The following UHRF2 variants were observed in gnomAD, a reference collection of about 807,000 sequenced individuals.
The protein encoded by UHRF2 is ubiquitin like with PHD and ring finger domains 2, also known as E3 ubiquitin-protein ligase UHRF2.
A neutral mutation model predicts 96.8 loss-of-function variants in UHRF2; 23 were observed. The observed-to-expected ratio is 0.24, with a 90% CI of 0.17 to 0.34. The LOEUF is 0.34. UHRF2 is among the 10% of genes least tolerant of loss of function. The probability of loss-of-function intolerance (pLI) is 1.00; values close to 1 mark genes in which losing one functional copy is unlikely to be tolerated. For missense variants in UHRF2, 685 were observed against 981.5 expected (o/e 0.70, Z 4.04); for synonymous variants, 385 against 332.6 (o/e 1.16, Z -1.72).
At chr9:6,468,882 T>G (rs1477535756) in intron 4 of UHRF2, 2 of 353,014 alleles carry the variant, frequency 5.7e-6, no homozygotes, top group Non-Finnish European at 1.1e-5. Context: ...GCATAGATGC[T>G]GATTAAATGT....
At chr9:6,472,715 G>T (rs954560236) in intron 4 of UHRF2, among the ~76,000 whole-genome samples, 3 of 152,172 alleles carry the variant, frequency 2.0e-5, no homozygotes, top group Non-Finnish European at 2.9e-5. Flanking sequence ...TAACTAAAAC[G>T]TAGAAGGGAA....
At chr9:6,451,773 T>TTGTTGTTGTTG (rs1554625814) in intron 3 of UHRF2, among the ~76,000 whole-genome samples, 2 of 148,918 alleles carry the variant, frequency 1.3e-5, no homozygotes, top group East Asian at 2.0e-4. Flanking sequence ...GCCCGGCCTG[T>TTGTTGTTGTTG]TTGTTGTTGT....
chr9:6,502,330 T>C (rs1309386402), intron 14 of UHRF2, among the ~76,000 whole-genome samples: 1 of 152,208 alleles, frequency 6.6e-6, no homozygotes, highest in East Asian at 1.9e-4. Flanking sequence ...ACATACATAC[T>C]GTTACTCTGA....
intron 3 of UHRF2, among the ~76,000 whole-genome samples, chr9:6,457,096 G>A (rs1008642932): frequency 6.6e-6 from 1 of 152,124 alleles, no homozygotes; most frequent in Non-Finnish European, 1.5e-5. Flanking sequence ...AATTACTTTG[G>A]GCAGTATGGG....
intron 3 of UHRF2, among the ~76,000 whole-genome samples, chr9:6,450,399 G>A (rs1821788025): frequency 7.1e-6 from 1 of 140,012 alleles, no homozygotes; most frequent in African/African-American, 2.7e-5. Flanking sequence ...AGTGATATTT[G>A]ACACATTCTT....
chr9:6,433,852 T>C, intron 2 of UHRF2, 62 bp from the exon 3 acceptor site: 1 of 1,541,516 alleles, frequency 6.5e-7, no homozygotes, highest in Non-Finnish European at 8.8e-7. Flanking sequence ...TTGAGTTACA[T>C]TAAGGTTTTT....
chr9:6,452,819 G>A (rs1172693206), intron 3 of UHRF2, among the ~76,000 whole-genome samples: 1 of 152,196 alleles, frequency 6.6e-6, no homozygotes, highest in Non-Finnish European at 1.5e-5. Flanking sequence ...TTGGGGTGTA[G>A]ATGGTTATAT....
At chr9:6,468,863 C>T (rs1823041986) in intron 4 of UHRF2, 1 of 362,632 alleles carries the variant, frequency 2.8e-6, no homozygotes, top group South Asian at 2.1e-5. Context: ...GTAAACCAGC[C>T]TTGACTCAGC....
At chr9:6,474,077 A>C (rs1019072771) in intron 4 of UHRF2, among the ~76,000 whole-genome samples, 1 of 152,168 alleles carries the variant, frequency 6.6e-6, no homozygotes, top group Non-Finnish European at 1.5e-5. Context: ...ATTAAGGTAA[A>C]TATAACTTCG....
chr9:6,414,071 G>A (rs1163155050), intron 1 of UHRF2: 4 of 156,076 alleles, frequency 2.6e-5, no homozygotes, highest in African/African-American at 9.6e-5. Flanking sequence ...GCGTTCGCCT[G>A]GCTTCCGCGG....
intron 4 of UHRF2, among the ~76,000 whole-genome samples, chr9:6,470,402 T>C (rs1823172895): frequency 6.6e-6 from 1 of 151,008 alleles, no homozygotes; most frequent in Admixed American, 6.6e-5. Context: ...ATCTTTTTCA[T>C]GAAGATACCT....
intron 14 of UHRF2, among the ~76,000 whole-genome samples, chr9:6,502,642 C>T (rs555175991): frequency 2.8e-4 from 42 of 152,290 alleles, no homozygotes; most frequent in Admixed American, 9.2e-4. Context: ...GCTGTAGGAA[C>T]GTAAGTTCCA....
intron 11 of UHRF2, 62 bp from the exon 12 acceptor site, chr9:6,497,956 C>T: frequency 6.3e-7 from 1 of 1,585,808 alleles, no homozygotes; most frequent in Non-Finnish European, 8.6e-7. Flanking sequence ...TTTGATACCA[C>T]TAATGTGATG....
At chr9:6,463,739 A>G (rs757914653) in intron 4 of UHRF2, among the ~76,000 whole-genome samples, 3 of 152,054 alleles carry the variant, frequency 2.0e-5, no homozygotes, top group Non-Finnish European at 4.4e-5. Flanking sequence ...CCAAAGTGGT[A>G]GGATTATAGG....
intron 4 of UHRF2, among the ~76,000 whole-genome samples, chr9:6,469,378 C>T (rs1402470004): frequency 6.6e-6 from 1 of 151,840 alleles, no homozygotes; most frequent in Non-Finnish European, 1.5e-5. Context: ...ATTAGCTGGG[C>T]GTGGTGGCAG....
Position 6,499,919 on chromosome 9 carries a change from C to T in UHRF2, c.1993C>T (p.Pro665Ser). Residue 665 changes from proline (P) to serine (S), a missense_variant, in exon 13 of 16, where the codon CCA becomes TCA. Pro to Ser is a moderately conservative substitution (Grantham distance 74). Around this residue, in one of 6 missense-constraint regions of UHRF2, gnomAD observed 99 missense variants for 73.5 expected, o/e 1.35. Coordinates refer to ENST00000276893, the MANE Select transcript of UHRF2 (RefSeq NM_152896.3). ...GCAGCCCAGTGGAACCACAAAAAGG[C>T]CAATTTCAGATGGTAGGTAATGATT... is the stretch of plus-strand genomic sequence containing the variant. Reference protein sequence around the residue: ...KKQPSGTTKRPISDDDCPSAS... With the variant: ...KKQPSGTTKRSISDDDCPSAS... 6.2e-7 allele frequency: 1 copy of T among 1,610,284 alleles called. No homozygotes were observed.
At chr9:6,473,935 A>G (rs553960314) in intron 4 of UHRF2, among the ~76,000 whole-genome samples, 26 of 152,376 alleles carry the variant, frequency 1.7e-4, no homozygotes, top group Middle Eastern at 3.4e-3. Flanking sequence ...TGTGAGAAAC[A>G]CTATAGGACA....
chr9:6,434,976 A>T (rs1820756242), intron 3 of UHRF2, among the ~76,000 whole-genome samples: 1 of 145,978 alleles, frequency 6.9e-6, no homozygotes, highest in African/African-American at 2.6e-5. Context: ...GAATATAGGC[A>T]TATGTATTAC....
chr9:6,467,276 G>T (rs1587836211), intron 4 of UHRF2, among the ~76,000 whole-genome samples: 6 of 152,252 alleles, frequency 3.9e-5, no homozygotes, highest in Admixed American at 3.9e-4. Context: ...GCTTCTCTTT[G>T]ACAGTTCTTT....
Sources: allele counts gnomAD v4.1 joint callset (sites outside exome capture counted in the v4.1 genomes callset), GRCh38; gene constraint gnomAD v4.1.1; regional missense constraint gnomAD v4.1.1; transcripts MANE v1.5; gene names NCBI Gene and HGNC (gene_info 2026-07-23, HGNC 2026-07-21).